Variants in COL19A1 observed in about 807,000 individuals in gnomAD.
COL19A1 encodes collagen alpha-1(XIX) chain.
Under a neutral mutation model 190.2 loss-of-function variants are expected in COL19A1, and 159 were observed. The observed-to-expected ratio is 0.84, with a 90% confidence interval of 0.73 to 0.95. The LOEUF (loss-of-function observed/expected upper bound fraction) is 0.95, where lower values mean the gene tolerates loss of function less well. COL19A1 is among the 40% of genes least tolerant of loss of function. The pLI is 0.00. For synonymous variants in COL19A1, 509 were observed against 458.9 expected (o/e 1.11, Z -1.39); for missense variants, 1,418 against 1,431.9 (o/e 0.99, Z 0.16).
At chr6:69,939,330 T>C (rs2150023052) in intron 9 of COL19A1, among the ~76,000 whole-genome samples, 1 of 152,290 alleles carries the variant, frequency 6.6e-6, no homozygotes, top group Admixed American at 6.6e-5. Context: ...GTTTCATGGT[T>C]ACATGTACCA....
intron 4 of COL19A1, among the ~76,000 whole-genome samples, chr6:69,920,369 C>A (rs922211312): frequency 2.0e-5 from 3 of 152,118 alleles, no homozygotes; most frequent in African/African-American, 7.2e-5. Flanking sequence ...GGCTGCTGTA[C>A]ATAGAGAATG....
intron 9 of COL19A1, among the ~76,000 whole-genome samples, chr6:69,941,898 C>A (rs755359010): frequency 6.6e-6 from 1 of 152,082 alleles, no homozygotes; most frequent in Non-Finnish European, 1.5e-5. Flanking sequence ...CCATGTTGAC[C>A]AGGCTGGTCT....
chr6:70,150,325 G>C (rs1786973587), intron 30 of COL19A1, among the ~76,000 whole-genome samples: 1 of 152,100 alleles, frequency 6.6e-6, no homozygotes, highest in Admixed American at 6.6e-5. Flanking sequence ...TGAAAATTGA[G>C]ATAAAATATA....
At chr6:69,972,550 C>A (rs1271300381) in intron 11 of COL19A1, among the ~76,000 whole-genome samples, 2 of 152,108 alleles carry the variant, frequency 1.3e-5, no homozygotes, top group Admixed American at 6.5e-5. Flanking sequence ...TAATTATTAT[C>A]TTGATGCATT....
In COL19A1 at chr6:70,172,020, A is replaced by G; in HGVS notation, c.2622+3A>G. 1.2e-6 allele frequency: 2 copies of G among 1,609,102 alleles called. No homozygotes were observed. The highest frequency in any genetic ancestry group is 1.7e-6 in the Non-Finnish European group (2 of 1,178,526). On this transcript the variant is annotated splice_donor_region_variant and intron_variant, in intron 41 of 50. Transcript: ENST00000620364. ...TAGAAGGATTTCCAGGTGTAAAGGTAAGCACAGAAGTTAGAAATGTGTTCA... is the reference window on the plus strand; with the variant it reads ...TAGAAGGATTTCCAGGTGTAAAGGTGAGCACAGAAGTTAGAAATGTGTTCA...
At chr6:70,137,162 A>G (rs1241806921) in intron 18 of COL19A1, among the ~76,000 whole-genome samples, 1 of 152,180 alleles carries the variant, frequency 6.6e-6, no homozygotes, top group Non-Finnish European at 1.5e-5. Flanking sequence ...CATCTACAAG[A>G]ATGCCTTATT....
Position 70,168,210 on chromosome 6 carries a change from C to T in COL19A1, c.2536C>T (p.Pro846Ser). The T allele has an allele frequency of 6.2e-7, 1 of 1,613,172 alleles. No homozygotes were observed. Among genetic ancestry groups the T allele is most frequent in the Non-Finnish European group, 8.5e-7 (1 of 1,179,512 alleles). Residue 846 changes from proline (P) to serine (S), a missense_variant, in exon 39 of 51, where the codon CCT (proline) becomes TCT (serine). Transcript: ENST00000620364. The part of the protein sequence containing the change: ...NVPSYPGPPG[P>S]PGPKGDPGPV... ...TCCCAGTTACCCAGGGCCACCCGGT[C>T]CTCCTGTAAGTACAGTTGTTTATCA...
intron 11 of COL19A1, among the ~76,000 whole-genome samples, chr6:69,981,223 G>A (rs1331698094): frequency 6.6e-6 from 1 of 152,142 alleles, no homozygotes; most frequent in East Asian, 1.9e-4. Context: ...ATATAATGGT[G>A]TTTTGTAGGG....
chr6:70,044,157 G>C (rs1779782581), intron 14 of COL19A1, among the ~76,000 whole-genome samples: 1 of 152,186 alleles, frequency 6.6e-6, no homozygotes, highest in Admixed American at 6.5e-5. Context: ...ACCTCTCTCA[G>C]CCTTCACAGA....
At chr6:70,186,964 G>A (rs1486441112) in intron 46 of COL19A1, among the ~76,000 whole-genome samples, 2 of 152,164 alleles carry the variant, frequency 1.3e-5, no homozygotes, top group African/African-American at 4.8e-5. Context: ...CGCAACCTCC[G>A]CCTCCCGGGT....
chr6:70,022,364 A>G (rs1778462465), intron 11 of COL19A1, among the ~76,000 whole-genome samples: 2 of 152,180 alleles, frequency 1.3e-5, no homozygotes, highest in Admixed American at 1.3e-4. Flanking sequence ...AAAATTTAAA[A>G]ACAGGAGTAA....
At chr6:70,091,986 C>T (rs1582890192) in intron 15 of COL19A1, among the ~76,000 whole-genome samples, 1 of 152,018 alleles carries the variant, frequency 6.6e-6, no homozygotes, top group Non-Finnish European at 1.5e-5. Flanking sequence ...CGGTTTTGTA[C>T]AATAGTATGT....
intron 15 of COL19A1, among the ~76,000 whole-genome samples, chr6:70,073,410 C>A (rs1271915372): frequency 6.6e-6 from 1 of 152,134 alleles, no homozygotes; most frequent in African/African-American, 2.4e-5. Flanking sequence ...ATAACGCCTA[C>A]CCCACAGGGC....
At position 70,124,531 on chromosome 6, in the gene COL19A1, T is replaced by C. The variant is rs546685647; in HGVS notation, c.1341+2589T>C. Among the ~76,000 whole-genome samples the C allele has an allele frequency of 1.1e-4, 16 of 150,776 alleles. No individual in the cohort carries two copies. The South Asian group carries it at 3.3e-3, about 31-fold the overall frequency. On this transcript the variant is annotated intron_variant, in intron 17 of 50. Coordinates refer to ENST00000620364, the MANE Select transcript of COL19A1 (RefSeq NM_001858.6). ...TAGAGTCTAAAGTTGAGAATGTAAA[T>C]TTTTAAACTTTAAGGTTATATTTCA...
At chr6:69,878,752 T>G (rs1188295896) in intron 1 of COL19A1, among the ~76,000 whole-genome samples, 1 of 152,186 alleles carries the variant, frequency 6.6e-6, no homozygotes, top group Non-Finnish European at 1.5e-5. Context: ...TATTTGTATA[T>G]CCATGTTCAT....
intron 11 of COL19A1, among the ~76,000 whole-genome samples, chr6:69,963,493 A>T (rs748828233): frequency 2.2e-4 from 34 of 152,172 alleles, no homozygotes; most frequent in Non-Finnish European, 4.0e-4. Flanking sequence ...ACAGGAGCTG[A>T]GGGTAGCAGT....
chr6:70,190,944 A>T (rs1225355775), intron 48 of COL19A1, among the ~76,000 whole-genome samples: 1 of 152,214 alleles, frequency 6.6e-6, no homozygotes, highest in African/African-American at 2.4e-5. Flanking sequence ...AACGGTTTTT[A>T]AAAATCAAAA....
intron 11 of COL19A1, among the ~76,000 whole-genome samples, chr6:69,978,685 T>TAAA (rs1363034602): frequency 6.6e-6 from 1 of 151,590 alleles, no homozygotes; most frequent in Non-Finnish European, 1.5e-5. Context: ...ATAATAATAA[T>TAAA]AAATAGCCCC....
At chr6:69,963,584 A>T (rs1039574593) in intron 11 of COL19A1, among the ~76,000 whole-genome samples, 11 of 152,160 alleles carry the variant, frequency 7.2e-5, no homozygotes, top group African/African-American at 2.7e-4. Context: ...CAGCTCTCCT[A>T]CTAGCCCGCA....
Sources: allele counts gnomAD v4.1 joint callset (sites outside exome capture counted in the v4.1 genomes callset), GRCh38; gene constraint gnomAD v4.1.1; transcripts MANE v1.5; gene names NCBI Gene and HGNC (gene_info 2026-07-23, HGNC 2026-07-21).